Variants in GRID2 observed in about 807,000 individuals in gnomAD.
The protein encoded by GRID2 is glutamate receptor ionotropic, delta-2.
GRID2 carries 33 observed loss-of-function variants against 114.8 expected under a neutral mutation model. That is an observed-to-expected ratio of 0.29 (90% CI 0.22 to 0.38). GRID2 has a LOEUF of 0.38. Among genes scored for constraint, GRID2 ranks in the 10% least tolerant of loss-of-function variants. The pLI, the probability that GRID2 is intolerant of heterozygous loss-of-function variation, is 1.00. For synonymous variants in GRID2, 505 were observed against 449.9 expected (o/e 1.12, Z -1.55); for missense variants, 1,184 against 1,257.7 (o/e 0.94, Z 0.89).
At position 92,652,381 on chromosome 4, in the gene GRID2, A is replaced by T. The variant is rs891588313; in HGVS notation, c.244+62095A>T. On this transcript the variant is annotated intron_variant, in intron 2 of 15. Coordinates refer to ENST00000282020, the MANE Select transcript of GRID2 (RefSeq NM_001510.4). ...AAATTAACCATCACAGTCTTTACTTAAAAATCAAATATAGCCAAGCACGAT... is the reference window on the plus strand; with the variant it reads ...AAATTAACCATCACAGTCTTTACTTTAAAATCAAATATAGCCAAGCACGAT... Among the ~76,000 whole-genome samples, 49 of 152,022 alleles carry T rather than the reference A, an allele frequency of 3.2e-4. 1 individual carries two copies. Among genetic ancestry groups the T allele is most frequent in the Non-Finnish European group, 6.9e-4 (47 of 67,990 alleles).
intron 14 of GRID2, among the ~76,000 whole-genome samples, chr4:93,723,150 T>C (rs1483312253): frequency 6.6e-6 from 1 of 152,216 alleles, no homozygotes; most frequent in Non-Finnish European, 1.5e-5. Flanking sequence ...AATCATGTGT[T>C]TTTCCATAGT....
chr4:93,653,984 G>A (rs1722798510), intron 14 of GRID2, among the ~76,000 whole-genome samples: 2 of 152,154 alleles, frequency 1.3e-5, no homozygotes, highest in African/African-American at 4.8e-5. Context: ...CATTTTAAAT[G>A]TCAGTAAGCT....
intron 1 of GRID2, among the ~76,000 whole-genome samples, chr4:92,380,843 A>G (rs569012633): frequency 2.7e-4 from 41 of 152,180 alleles, no homozygotes; most frequent in African/African-American, 9.4e-4. Context: ...AATGGTACAT[A>G]TAATACTATA....
At chr4:92,333,706 T>G (rs1727016391) in intron 1 of GRID2, among the ~76,000 whole-genome samples, 1 of 152,162 alleles carries the variant, frequency 6.6e-6, no homozygotes. Context: ...GTTTAGAAGT[T>G]TATCCCACCA....
chr4:93,130,100 C>T (rs996704561), intron 4 of GRID2, among the ~76,000 whole-genome samples: 6 of 152,110 alleles, frequency 3.9e-5, no homozygotes, highest in Admixed American at 1.3e-4. Flanking sequence ...TTTTAATTAT[C>T]CAGGTTGAGA....
intron 10 of GRID2, among the ~76,000 whole-genome samples, chr4:93,436,649 A>C (rs1354201596): frequency 6.6e-6 from 1 of 152,174 alleles, no homozygotes; most frequent in Non-Finnish European, 1.5e-5. Context: ...GTACACAAAA[A>C]TTTAAATCGA....
intron 13 of GRID2, among the ~76,000 whole-genome samples, chr4:93,547,110 T>C (rs1733300076): frequency 6.6e-6 from 1 of 152,184 alleles, no homozygotes; most frequent in African/African-American, 2.4e-5. Context: ...CTAGAGTTGA[T>C]AGAGAAAACT....
intron 1 of GRID2, among the ~76,000 whole-genome samples, chr4:92,484,684 T>C (rs1722780712): frequency 6.6e-6 from 1 of 152,202 alleles, no homozygotes; most frequent in African/African-American, 2.4e-5. Context: ...AGATTAAGAT[T>C]CAGACTAAAA....
At chr4:93,245,374 A>G (rs114265275) in intron 8 of GRID2, among the ~76,000 whole-genome samples, 1,760 of 152,284 alleles carry the variant, frequency 0.012, 21 homozygotes, top group South Asian at 0.043. Flanking sequence ...AGTGGGTGTT[A>G]CACTCTTTAT....
At chr4:92,675,551 A>ATTTTTTTTTT (rs576488084) in intron 2 of GRID2, among the ~76,000 whole-genome samples, 4,349 of 132,442 alleles carry the variant, frequency 0.033, 93 homozygotes, top group East Asian at 0.062. Context: ...TTGGGCTACA[A>ATTTTTTTTTT]TTTTTTTTTT....
intron 2 of GRID2, among the ~76,000 whole-genome samples, chr4:93,076,259 G>C (rs1277419906): frequency 1.3e-5 from 2 of 152,010 alleles, no homozygotes; most frequent in Non-Finnish European, 2.9e-5. Flanking sequence ...GGGAGAGTGT[G>C]TGGAATGGCA....
intron 2 of GRID2, among the ~76,000 whole-genome samples, chr4:92,619,619 C>G (rs1166590931): frequency 1.3e-5 from 2 of 151,662 alleles, no homozygotes; most frequent in Non-Finnish European, 2.9e-5. Context: ...CCCCTCCCAA[C>G]CCCGGCATGG....
intron 1 of GRID2, among the ~76,000 whole-genome samples, chr4:92,440,738 G>A (rs1028278750): frequency 3.3e-5 from 5 of 152,014 alleles, no homozygotes; most frequent in African/African-American, 4.8e-5. Context: ...GCGTGATCAG[G>A]GTGAGGAACA....
chr4:93,299,459 C>T (rs370091080), intron 8 of GRID2, among the ~76,000 whole-genome samples: 84 of 147,072 alleles, frequency 5.7e-4, no homozygotes, highest in African/African-American at 1.8e-3. Context: ...GAGTGATCTC[C>T]GTTTAATTAT....
chr4:92,654,505 A>G (rs537268606), intron 2 of GRID2, among the ~76,000 whole-genome samples: 2 of 152,174 alleles, frequency 1.3e-5, no homozygotes, highest in South Asian at 4.1e-4. Flanking sequence ...GTAGTTATGT[A>G]GAGGAGCAGT....
chr4:92,589,354 A>C (rs1323720681), intron 1 of GRID2, among the ~76,000 whole-genome samples: 3 of 152,206 alleles, frequency 2.0e-5, no homozygotes, highest in African/African-American at 7.2e-5. Context: ...GAATTTGAGC[A>C]TGTTGCTCAA....
chr4:93,170,784 T>G (rs1197641993), intron 4 of GRID2, among the ~76,000 whole-genome samples: 2 of 152,106 alleles, frequency 1.3e-5, no homozygotes, highest in Non-Finnish European at 2.9e-5. Context: ...TCCACTTAGA[T>G]GTCAAATAGG....
At chr4:93,621,265 G>A (rs939740879) in intron 13 of GRID2, among the ~76,000 whole-genome samples, 4 of 152,174 alleles carry the variant, frequency 2.6e-5, no homozygotes, top group Non-Finnish European at 5.9e-5. Flanking sequence ...GGACACAGGT[G>A]CTGAGCCTCA....
At chr4:93,100,475 A>AT (rs1478667972) in intron 3 of GRID2, among the ~76,000 whole-genome samples, 1 of 151,972 alleles carries the variant, frequency 6.6e-6, no homozygotes, top group Non-Finnish European at 1.5e-5. Flanking sequence ...TAAAAGTTTT[A>AT]TTTTCTCAGG....
Sources: allele counts gnomAD v4.1 joint callset (sites outside exome capture counted in the v4.1 genomes callset), GRCh38; gene constraint gnomAD v4.1.1; transcripts MANE v1.5; gene names NCBI Gene and HGNC (gene_info 2026-07-23, HGNC 2026-07-21).